GABRG3: variants seen among roughly 807,000 people sequenced by gnomAD.
GABRG3 encodes gamma-aminobutyric acid type A receptor subunit gamma3.
In GABRG3, 25 loss-of-function variants were observed where a neutral mutation model predicts 48.8. That is an observed-to-expected ratio of 0.51 (90% CI 0.37 to 0.72). The LOEUF is 0.72. Among genes scored for constraint, GABRG3 ranks in the 30% least tolerant of loss-of-function variants. GABRG3 has a pLI of 0.00. For missense variants in GABRG3, 394 were observed against 577.9 expected (o/e 0.68, Z 3.26); for synonymous variants, 227 against 217.6 (o/e 1.04, Z -0.38).
In GABRG3 at chr15:27,465,488, TAA is replaced by T. The variant is rs1246180292; in HGVS notation, c.575-15159_575-15158del. On this transcript the variant is annotated intron_variant, in intron 5 of 9. Transcript: ENST00000615808. ...CCAAGGACACACTTTGCTTGTTTTTTAAAAGATGAGTCAGTGGCCAACATTTA... is the reference window on the plus strand; with the variant it reads ...CCAAGGACACACTTTGCTTGTTTTTTAAGATGAGTCAGTGGCCAACATTTA... Among the ~76,000 whole-genome samples, 7 of 152,328 alleles carry T rather than the reference TAA, an allele frequency of 4.6e-5. No homozygotes were observed. The East Asian group carries it at 5.8e-4, about 13-fold the overall frequency.
At chr15:27,306,233 A>G (rs1268092400) in intron 3 of GABRG3, among the ~76,000 whole-genome samples, 1 of 82,906 alleles carries the variant, frequency 1.2e-5, no homozygotes, top group East Asian at 2.3e-4. Flanking sequence ...CATATGTTCT[A>G]TATATAAACA....
intron 5 of GABRG3, among the ~76,000 whole-genome samples, chr15:27,376,630 G>A (rs1049829814): frequency 6.6e-6 from 1 of 152,192 alleles, no homozygotes; most frequent in African/African-American, 2.4e-5. Flanking sequence ...GCCATGGCCC[G>A]AACTTTATGT....
At chr15:27,122,704 G>A (rs1897752578) in intron 3 of GABRG3, among the ~76,000 whole-genome samples, 1 of 152,218 alleles carries the variant, frequency 6.6e-6, no homozygotes, top group African/African-American at 2.4e-5. Context: ...ATGGCCACCA[G>A]TTGAAAGCCT....
At chr15:27,500,559 G>T (rs544949867) in intron 6 of GABRG3, among the ~76,000 whole-genome samples, 1 of 152,248 alleles carries the variant, frequency 6.6e-6, no homozygotes. Flanking sequence ...CAGACGTTAC[G>T]TAAACGTGCT....
intron 3 of GABRG3, among the ~76,000 whole-genome samples, chr15:27,306,657 TG>T (rs1336955230): frequency 3.6e-5 from 2 of 55,602 alleles, no homozygotes; most frequent in African/African-American, 8.9e-5. Context: ...AACATATATA[TG>T]AACATGTTTA....
At chr15:27,177,017 T>C (rs552815126) in intron 3 of GABRG3, among the ~76,000 whole-genome samples, 23 of 152,216 alleles carry the variant, frequency 1.5e-4, no homozygotes, top group Admixed American at 3.9e-4. Context: ...GGCTATTTAG[T>C]GGGAGGACAA....
intron 3 of GABRG3, among the ~76,000 whole-genome samples, chr15:27,150,639 C>T (rs577069315): frequency 6.6e-6 from 1 of 152,222 alleles, no homozygotes; most frequent in Non-Finnish European, 1.5e-5. Flanking sequence ...TAACCCTTGC[C>T]ATTTTCCATG....
At chr15:27,143,552 C>T (rs1204530388) in intron 3 of GABRG3, among the ~76,000 whole-genome samples, 1 of 152,158 alleles carries the variant, frequency 6.6e-6, no homozygotes, top group Non-Finnish European at 1.5e-5. Context: ...CAAATCAAGT[C>T]ATACATTCTC....
intron 5 of GABRG3, among the ~76,000 whole-genome samples, chr15:27,444,825 C>T (rs1888894977): frequency 6.6e-6 from 1 of 152,104 alleles, no homozygotes; most frequent in Non-Finnish European, 1.5e-5. Flanking sequence ...TCAATTGATG[C>T]ACATTTCCAA....
intron 5 of GABRG3, among the ~76,000 whole-genome samples, chr15:27,441,955 A>G (rs758105468): frequency 1.6e-4 from 24 of 152,182 alleles, no homozygotes; most frequent in Non-Finnish European, 2.6e-4. Flanking sequence ...TTCCCAAATT[A>G]TGTTGCCACA....
At chr15:26,991,589 C>T (rs1895248592) in intron 2 of GABRG3, among the ~76,000 whole-genome samples, 1 of 152,100 alleles carries the variant, frequency 6.6e-6, no homozygotes, top group Admixed American at 6.5e-5. Context: ...TTGATATCCT[C>T]TTCAATTTTT....
intron 6 of GABRG3, among the ~76,000 whole-genome samples, chr15:27,517,726 T>C (rs1891056545): frequency 6.6e-6 from 1 of 152,202 alleles, no homozygotes; most frequent in Non-Finnish European, 1.5e-5. Context: ...TGCAATTTTA[T>C]GCCAAAAATT....
intron 5 of GABRG3, among the ~76,000 whole-genome samples, chr15:27,439,291 T>C (rs979889696): frequency 6.6e-6 from 1 of 152,142 alleles, no homozygotes; most frequent in Non-Finnish European, 1.5e-5. Flanking sequence ...GGTTAAAAAG[T>C]AGAGTTGGAC....
At chr15:27,248,585 G>T (rs568148428) in intron 3 of GABRG3, among the ~76,000 whole-genome samples, 22 of 152,212 alleles carry the variant, frequency 1.4e-4, no homozygotes, top group African/African-American at 5.1e-4. Context: ...TCCCATATTG[G>T]CAGAAGTTAA....
At position 27,328,895 on chromosome 15, in the gene GABRG3, A is replaced by T. The variant is rs766843625; in HGVS notation, c.574+7A>T. The T allele has an allele frequency of 1.9e-6, 3 of 1,613,016 alleles. No homozygotes were observed. The highest frequency in any genetic ancestry group is 2.2e-5 in the South Asian group (2 of 91,068). The stretch of plus-strand genomic sequence containing the variant: ...CCGCTGATTTTCTCCAGCTGTGAGT[A>T]CCAGTCCAAGCCCGGGGTGTGCATG... On this transcript the variant is annotated splice_region_variant and intron_variant, in intron 5 of 9. Transcript: ENST00000615808.
intron 1 of GABRG3, 120 bp downstream of exon 1, chr15:26,971,708 C>A (rs1038727691): frequency 9.8e-5 from 113 of 1,148,896 alleles, no homozygotes; most frequent in Admixed American, 8.9e-4. Context: ...CACGGCGGGC[C>A]GGGAGGGGAC....
intron 3 of GABRG3, among the ~76,000 whole-genome samples, chr15:27,275,996 C>CA (rs933448290): frequency 1.3e-4 from 20 of 152,130 alleles, no homozygotes; most frequent in African/African-American, 4.8e-4. Context: ...TCTGCATCTG[C>CA]AAAAAATATG....
chr15:27,210,143 G>A (rs1329504497), intron 3 of GABRG3, among the ~76,000 whole-genome samples: 1 of 152,172 alleles, frequency 6.6e-6, no homozygotes, highest in Admixed American at 6.5e-5. Flanking sequence ...GCTTCCAAAG[G>A]AGGTGGCCTT....
intron 5 of GABRG3, among the ~76,000 whole-genome samples, chr15:27,347,606 T>C (rs536416909): frequency 6.6e-6 from 1 of 152,336 alleles, no homozygotes; most frequent in African/African-American, 2.4e-5. Flanking sequence ...CAATGATTAA[T>C]TCTGAGATAG....
Sources: gnomAD v4.1 joint callset for allele counts (sites outside exome capture counted in the v4.1 genomes callset) on GRCh38, gnomAD v4.1.1 for gene constraint, MANE v1.5 for transcripts, NCBI Gene and HGNC (gene_info 2026-07-23, HGNC 2026-07-21) for gene names.